Variants in ELL2 observed in about 807,000 individuals in gnomAD.
The protein encoded by ELL2 is RNA polymerase II elongation factor ELL2.
A neutral mutation model predicts 72.8 loss-of-function variants in ELL2; 21 were observed. The observed-to-expected ratio is 0.29, with a 90% CI of 0.20 to 0.42. The LOEUF (loss-of-function observed/expected upper bound fraction) is 0.42, where lower values mean the gene tolerates loss of function less well. Ranked by LOEUF, ELL2 falls within the 10% of genes least tolerant of loss-of-function variation. The pLI, the probability that ELL2 is intolerant of heterozygous loss-of-function variation, is 1.00. For synonymous variants in ELL2, 266 were observed against 283.2 expected (o/e 0.94, Z 0.61); for missense variants, 568 against 772.8 (o/e 0.73, Z 3.14).
intron 1 of ELL2, among the ~76,000 whole-genome samples, chr5:95,959,359 C>T (rs945152573): frequency 6.6e-6 from 1 of 152,166 alleles, no homozygotes; most frequent in Non-Finnish European, 1.5e-5. Flanking sequence ...CTGGCCGCCT[C>T]CTGCTGACTT....
Position 95,898,370 on chromosome 5 carries a change from C to A in ELL2, c.1395G>T (p.Lys465Asn). ...HSMSHKKSKK[K>N]SKKHKEKDQI... is the part of the protein sequence containing the mutation. ...GGTCCTTTTCCTTATGTTTTTTAGA[C>A]TTCTTTTTGGACTTTTTGTGAGACA... Residue 465 changes from lysine (K) to asparagine (N), a missense_variant, in exon 8 of 12, where the codon AAG becomes AAT. Coordinates refer to ENST00000237853, the MANE Select transcript of ELL2 (RefSeq NM_012081.6). 6.2e-7 allele frequency: 1 copy of A among 1,613,442 alleles called. No homozygotes were observed. Among genetic ancestry groups the A allele is most frequent in the Non-Finnish European group, 8.5e-7 (1 of 1,179,852 alleles).
At chr5:95,912,820 T>A (rs1749655836) in intron 4 of ELL2, among the ~76,000 whole-genome samples, 1 of 152,248 alleles carries the variant, frequency 6.6e-6, no homozygotes, top group Non-Finnish European at 1.5e-5. Context: ...CTGAATGTAC[T>A]GTAGCTGGAT....
chr5:95,948,457 A>G (rs1394395445), intron 1 of ELL2, among the ~76,000 whole-genome samples: 1 of 138,414 alleles, frequency 7.2e-6, no homozygotes, highest in Admixed American at 7.0e-5. Flanking sequence ...AAAAAAAGCC[A>G]CAGGAAGAAA....
intron 2 of ELL2, among the ~76,000 whole-genome samples, chr5:95,922,092 ATCTC>A (rs1288451602): frequency 6.6e-6 from 1 of 151,742 alleles, no homozygotes; most frequent in Non-Finnish European, 1.5e-5. Context: ...TTGAGACGTA[ATCTC>A]TCTGTCGCCC....
intron 3 of ELL2, 29 bp downstream of exon 3, chr5:95,919,393 TCC>T (rs1749960682): frequency 6.4e-7 from 1 of 1,560,782 alleles, no homozygotes; most frequent in Non-Finnish European, 8.6e-7. Context: ...AAAAAATTTT[TCC>T]CCTTCAGTGT....
chr5:95,934,039 A>G (rs979352949), intron 2 of ELL2, among the ~76,000 whole-genome samples: 1 of 152,192 alleles, frequency 6.6e-6, no homozygotes, highest in African/African-American at 2.4e-5. Flanking sequence ...GAAATGGAAC[A>G]CCCTCAAATA....
Position 95,913,816 on chromosome 5 carries a change from G to A in ELL2, c.436C>T (p.Arg146Cys), listed in dbSNP as rs752523815. 1.1e-5 allele frequency: 17 copies of A among 1,612,384 alleles called. No homozygotes were observed. The highest frequency in any genetic ancestry group is 1.7e-5 in the Admixed American group (1 of 59,680). Residue 146 changes from arginine (R) to cysteine (C), a missense_variant, in exon 4 of 12, where the codon CGC becomes TGC. Physicochemically the swap from Arg to Cys is radical, Grantham distance 180. Transcript: ENST00000237853. ...TTGATAACTTTTGTGCTTCGGTTGCGGGATTCCTCCTCTGCCTGGGTCATT... is the reference window on the plus strand; with the variant it reads ...TTGATAACTTTTGTGCTTCGGTTGCAGGATTCCTCCTCTGCCTGGGTCATT... ...ERMTQAEEESRNRSTKVIKPG... is the reference protein window; with the variant it reads ...ERMTQAEEESCNRSTKVIKPG...
Position 95,898,582 on chromosome 5 carries a change from T to G in ELL2, c.1183A>C (p.Asn395His). Residue 395 changes from asparagine to histidine, a missense_variant, in exon 8 of 12, where the codon AAC (asparagine) becomes CAC (histidine). Asn to His is a moderately conservative substitution (Grantham distance 68). Transcript: ENST00000237853. ...TCTGGAGTGCTAGGGGAGTTGGAGT[T>G]AGAATTTACAATCTGAGGAGGATGT... ...ISHPPQIVNS[N>H]SNSPSTPEGR... The G allele has an allele frequency of 3.1e-6, 5 of 1,613,964 alleles. No individual in the cohort carries two copies. The highest frequency in any genetic ancestry group is 4.2e-6 in the Non-Finnish European group (5 of 1,179,970).
intron 7 of ELL2, among the ~76,000 whole-genome samples, chr5:95,900,017 G>C (rs1749074909): frequency 6.6e-6 from 1 of 152,164 alleles, no homozygotes; most frequent in African/African-American, 2.4e-5. Context: ...GGAAGACACT[G>C]TGTCAGCAGT....
intron 5 of ELL2, among the ~76,000 whole-genome samples, chr5:95,903,548 G>A (rs779684865): frequency 6.6e-6 from 1 of 151,996 alleles, no homozygotes; most frequent in Non-Finnish European, 1.5e-5. Flanking sequence ...TGTTTTTTAA[G>A]TCTCTGTTTC....
At position 95,961,606 on chromosome 5, in the gene ELL2, A is replaced by T; in HGVS notation, c.116T>A (p.Ile39Asn). 6.2e-7 allele frequency: 1 copy of T among 1,604,922 alleles called. No homozygotes were observed. Among genetic ancestry groups the T allele is most frequent in the Non-Finnish European group, 8.5e-7 (1 of 1,176,818 alleles). The change falls in exon 1 of 12, where the codon ATC becomes AAC. Residue 39 changes from isoleucine (I) to asparagine (N), a missense_variant. Physicochemically the swap from Ile to Asn is moderately radical, Grantham distance 149. Around this residue, in one of 2 missense-constraint regions of ELL2, gnomAD observed 511 missense variants for 728.4 expected, o/e 0.70. Transcript: ENST00000237853. ...VLHVKLTETA[I>N]RALETYQSHK... ...GCTCTGGTAAGTCTCGAGCGCCCGGATCGCCGTCTCGGTGAGCTTCACATG... is the reference window on the plus strand; with the variant it reads ...GCTCTGGTAAGTCTCGAGCGCCCGGTTCGCCGTCTCGGTGAGCTTCACATG...
rs147833672 is a variant in ELL2 at position 95,943,033 on chromosome 5, C to A, written c.164G>T (p.Arg55Leu). ...GAGTCCTTGGAACTGGATTGAAGGT[C>A]GAAAAGGAATTAAATTCTATTAAAA... is the stretch of plus-strand genomic sequence containing the variant. ...YQSHKNLIPF[R>L]PSIQFQGLHG... Residue 55 changes from arginine (R) to leucine (L), a missense_variant, in exon 2 of 12, where the codon CGA (arginine) becomes CTA (leucine). By Grantham distance (102) the Arg-to-Leu change is moderately radical. Around this residue, in one of 2 missense-constraint regions of ELL2, gnomAD observed 511 missense variants for 728.4 expected, o/e 0.70. Coordinates refer to ENST00000237853, the MANE Select transcript of ELL2 (RefSeq NM_012081.6). The A allele has an allele frequency of 3.9e-5, 63 of 1,599,246 alleles. No individual in the cohort carries two copies. Among genetic ancestry groups the A allele is most frequent in the Admixed American group, 6.9e-5 (4 of 58,064 alleles).
At chr5:95,951,380 A>T (rs977494645) in intron 1 of ELL2, among the ~76,000 whole-genome samples, 1 of 151,324 alleles carries the variant, frequency 6.6e-6, no homozygotes, top group Non-Finnish European at 1.5e-5. Flanking sequence ...AAAATAAAAT[A>T]AAATAAATAA....
At chr5:95,895,599 T>C in intron 9 of ELL2, 29 bp downstream of exon 9, 1 of 1,597,320 alleles carries the variant, frequency 6.3e-7, no homozygotes, top group East Asian at 2.2e-5. Flanking sequence ...ATTAAGCCGC[T>C]CTCTCCATTG....
rs1749641742 is a variant in ELL2, at chr5:95,912,422, G to T, written c.481+1349C>A. The stretch of plus-strand genomic sequence containing the variant: ...ACTGTTTATAAAATGGTGGTATTGG[G>T]CAGAGGAAAACAACATTTTCCAAGC... On this transcript the variant is annotated intron_variant, in intron 4 of 11. Transcript: ENST00000237853. Among the ~76,000 whole-genome samples the T allele has an allele frequency of 1.3e-5, 2 of 152,170 alleles. 1 individual carries two copies. Among genetic ancestry groups the T allele is most frequent in the South Asian group, 4.1e-4 (2 of 4,826 alleles).
At chr5:95,906,814 A>G (rs374735621) in intron 4 of ELL2, 32 bp from the exon 5 acceptor site, 68 of 1,571,672 alleles carry the variant, frequency 4.3e-5, no homozygotes, top group Non-Finnish European at 5.4e-5. Flanking sequence ...ATTGTTACAC[A>G]TTTGTGGGTT....
At position 95,913,902 on chromosome 5, in the gene ELL2, A is replaced by G; in HGVS notation, c.350T>C (p.Phe117Ser). The G allele has an allele frequency of 6.2e-7, 1 of 1,610,804 alleles. No homozygotes were observed. The highest frequency in any genetic ancestry group is 8.5e-7 in the Non-Finnish European group (1 of 1,178,742). ...SGASQLNCLGFIQDKITVCAT... is the reference protein window; with the variant it reads ...SGASQLNCLGSIQDKITVCAT... ...ACACACTGTAATTTTATCTTGTATA[A>G]ATCCCAGGCAATTGAGCTGGGAGGC... The change falls in exon 4 of 12, where the codon TTT (phenylalanine) becomes TCT (serine). Residue 117 changes from phenylalanine to serine, a missense_variant. Phe to Ser is a radical substitution (Grantham distance 155). Coordinates refer to ENST00000237853, the MANE Select transcript of ELL2 (RefSeq NM_012081.6).
At chr5:95,958,188 G>A (rs749089303) in intron 1 of ELL2, among the ~76,000 whole-genome samples, 21 of 152,192 alleles carry the variant, frequency 1.4e-4, no homozygotes, top group Non-Finnish European at 7.3e-5. Context: ...TCCCCCCAGA[G>A]AGAACAGGTT....
intron 4 of ELL2, among the ~76,000 whole-genome samples, chr5:95,908,269 G>C (rs1403182561): frequency 2.6e-5 from 4 of 152,136 alleles, no homozygotes; most frequent in Non-Finnish European, 5.9e-5. Flanking sequence ...ATCTCACTAG[G>C]TTTCACCTGA....
Sources: allele counts gnomAD v4.1 joint callset (sites outside exome capture counted in the v4.1 genomes callset), GRCh38; gene constraint gnomAD v4.1.1; regional missense constraint gnomAD v4.1.1; transcripts MANE v1.5; gene names NCBI Gene and HGNC (gene_info 2026-07-23, HGNC 2026-07-21).